SORBS2: variants seen among roughly 807,000 people sequenced by gnomAD.
The protein encoded by SORBS2 is sorbin and SH3 domain-containing protein 2.
In SORBS2, 46 loss-of-function variants were observed where a neutral mutation model predicts 97.7. That is an observed-to-expected ratio of 0.47 (90% CI 0.37 to 0.60). SORBS2 has a LOEUF of 0.60. SORBS2 is among the 20% of genes least tolerant of loss of function. The probability of loss-of-function intolerance (pLI) is 0.00; values close to 1 mark genes in which losing one functional copy is unlikely to be tolerated. For synonymous variants in SORBS2, 476 were observed against 473.4 expected (o/e 1.01, Z -0.07); for missense variants, 1,316 against 1,282.3 (o/e 1.03, Z -0.40).
chr4:185,728,462 G>C (rs1005606703), intron 2 of SORBS2, among the ~76,000 whole-genome samples: 1 of 152,106 alleles, frequency 6.6e-6, no homozygotes, highest in Admixed American at 6.5e-5. Flanking sequence ...TTATGCTCTG[G>C]ATGAAAACTG....
chr4:185,915,067 A>G (rs890283694), intron 1 of SORBS2, among the ~76,000 whole-genome samples: 2 of 152,210 alleles, frequency 1.3e-5, no homozygotes, highest in Non-Finnish European at 2.9e-5. Flanking sequence ...AGGGAAAACA[A>G]AAGGCTTTCA....
At chr4:185,770,836 C>T (rs1179360386) in intron 2 of SORBS2, 1 of 152,110 alleles carries the variant, frequency 6.6e-6, no homozygotes, top group Non-Finnish European at 1.5e-5. Context: ...CTGATTTTTG[C>T]ATTCTTAAAT....
intron 2 of SORBS2, among the ~76,000 whole-genome samples, chr4:185,751,553 G>A (rs142220376): frequency 6.6e-6 from 1 of 152,322 alleles, no homozygotes; most frequent in East Asian, 1.9e-4. Context: ...AGAGGGAGGT[G>A]CAGGAGAGGC....
At chr4:185,790,505 T>G (rs1186452823) in intron 1 of SORBS2, among the ~76,000 whole-genome samples, 2 of 152,190 alleles carry the variant, frequency 1.3e-5, no homozygotes, top group Non-Finnish European at 2.9e-5. Flanking sequence ...GACTCTAAAC[T>G]TCAGGGATCA....
intron 2 of SORBS2, among the ~76,000 whole-genome samples, chr4:185,744,108 CCCT>C (rs1228511539): frequency 1.1e-4 from 16 of 139,640 alleles, no homozygotes; most frequent in African/African-American, 4.3e-4. Flanking sequence ...TCTCTTCTCC[CCCT>C]CCTCCTCCTT....
At chr4:185,830,117 G>A (rs1042651227) in intron 1 of SORBS2, among the ~76,000 whole-genome samples, 1 of 152,288 alleles carries the variant, frequency 6.6e-6, no homozygotes, top group East Asian at 1.9e-4. Context: ...ATTTGTACTG[G>A]TGATTTTTCC....
intron 1 of SORBS2, among the ~76,000 whole-genome samples, chr4:185,929,990 C>T (rs1228312033): frequency 6.6e-6 from 1 of 152,126 alleles, no homozygotes; most frequent in Middle Eastern, 3.2e-3. Context: ...GAAATGACTG[C>T]ACGATGTGGT....
intron 2 of SORBS2, among the ~76,000 whole-genome samples, chr4:185,650,263 A>T (rs1313804181): frequency 6.6e-6 from 1 of 152,256 alleles, no homozygotes; most frequent in Non-Finnish European, 1.5e-5. Context: ...AATGAAGAAA[A>T]CACATAGTAA....
At chr4:185,653,174 T>A (rs4861673) in intron 1 of SORBS2, among the ~76,000 whole-genome samples, 2 of 152,110 alleles carry the variant, frequency 1.3e-5, no homozygotes, top group Non-Finnish European at 2.9e-5. Flanking sequence ...TGACTCAAAT[T>A]GTATTCTGAT....
intron 1 of SORBS2, among the ~76,000 whole-genome samples, chr4:185,915,084 A>T (rs185622332): frequency 6.6e-6 from 1 of 152,364 alleles, no homozygotes; most frequent in East Asian, 1.9e-4. Context: ...TTCATCTGAA[A>T]GGATGATCTG....
At chr4:185,823,182 C>T (rs1175275919) in intron 1 of SORBS2, among the ~76,000 whole-genome samples, 1 of 152,220 alleles carries the variant, frequency 6.6e-6, no homozygotes, top group East Asian at 1.9e-4. Context: ...CCTCCGGCCT[C>T]CTTTTCCCCT....
rs143665538 is a variant in SORBS2, at chr4:185,641,283, A to G, written c.396+5385T>C. ...TCTAGAATGCATGCCAATAGAAATT[A>G]GCAGAGAAAACACCCAAAACAATGA... On this transcript the variant is annotated intron_variant, in intron 4 of 14. Transcript: ENST00000418609. 2.9e-3 allele frequency among the ~76,000 whole-genome samples: 437 copies of G among 152,326 alleles called. 1 individual carries two copies. Among genetic ancestry groups the G allele is most frequent in the African/African-American group, 9.8e-3 (409 of 41,568 alleles).
In SORBS2 at chr4:185,859,174, T is replaced by C. The variant is rs2099222299; in HGVS notation, c.-337-83808A>G. 2.0e-5 allele frequency among the ~76,000 whole-genome samples: 3 copies of C among 152,246 alleles called. No individual in the cohort carries two copies. In the South Asian group the frequency reaches 6.2e-4, roughly 32 times the overall value. On this transcript the variant is annotated intron_variant, in intron 1 of 20. Coordinates refer to the SORBS2 transcript ENST00000284776. ...TTTCTGCTGGGTCTTTAAAAACATA[T>C]ACTAATGGCCATAACGGGACTTATT...
chr4:185,893,743 G>C (rs2099243633), intron 1 of SORBS2, among the ~76,000 whole-genome samples: 1 of 152,166 alleles, frequency 6.6e-6, no homozygotes, highest in Non-Finnish European at 1.5e-5. Context: ...GGTTCCCCGG[G>C]GGAGGAGGCA....
intron 1 of SORBS2, among the ~76,000 whole-genome samples, chr4:185,921,740 G>A (rs1448486295): frequency 6.6e-6 from 1 of 152,196 alleles, no homozygotes; most frequent in Non-Finnish European, 1.5e-5. Flanking sequence ...ACGCTGGTTT[G>A]CTATTTTTAG....
chr4:185,649,182 T>C (rs1250180079), intron 3 of SORBS2, among the ~76,000 whole-genome samples: 1 of 152,214 alleles, frequency 6.6e-6, no homozygotes, highest in Admixed American at 6.5e-5. Flanking sequence ...TACATGTCCA[T>C]TATTTCTATT....
chr4:185,893,881 C>T (rs1288389660), intron 1 of SORBS2, among the ~76,000 whole-genome samples: 1 of 152,180 alleles, frequency 6.6e-6, no homozygotes, highest in African/African-American at 2.4e-5. Context: ...GTAAAAGTCT[C>T]TATCAGACCT....
intron 2 of SORBS2, among the ~76,000 whole-genome samples, chr4:185,721,910 G>A (rs1297271119): frequency 2.6e-5 from 4 of 152,192 alleles, no homozygotes; most frequent in Non-Finnish European, 4.4e-5. Flanking sequence ...TCATGTGAGA[G>A]TGCACATATA....
intron 3 of SORBS2, 28 bp downstream of exon 12, chr4:185,649,439 T>C (rs1455978206): frequency 2.6e-6 from 4 of 1,526,068 alleles, no homozygotes; most frequent in East Asian, 2.4e-5. Context: ...AAGCGAAACA[T>C]AGGCCACCCT....
Sources: gnomAD v4.1 joint callset for allele counts (sites outside exome capture counted in the v4.1 genomes callset) on GRCh38, gnomAD v4.1.1 for gene constraint, MANE v1.5 for transcripts, NCBI Gene and HGNC (gene_info 2026-07-23, HGNC 2026-07-21) for gene names.